The following PTPRD variants were observed in gnomAD, a reference collection of about 807,000 sequenced individuals.
PTPRD encodes the protein protein tyrosine phosphatase receptor type D.
A neutral mutation model predicts 214.5 loss-of-function variants in PTPRD; 34 were observed. The observed-to-expected ratio is 0.16, with a 90% CI of 0.12 to 0.21. PTPRD has a LOEUF of 0.21. PTPRD is among the 10% of genes least tolerant of loss of function. The pLI is 1.00. For missense variants in PTPRD, 2,545 were observed against 2,398.7 expected (o/e 1.06, Z -1.27); for synonymous variants, 1,128 against 845.7 (o/e 1.33, Z -5.79).
chr9:10,200,524 T>A (rs889633065), intron 3 of PTPRD, among the ~76,000 whole-genome samples: 12 of 152,184 alleles, frequency 7.9e-5, no homozygotes, highest in Admixed American at 3.3e-4. Context: ...ATGCTAGATG[T>A]TTACATCATT....
intron 5 of PTPRD, among the ~76,000 whole-genome samples, chr9:9,898,235 A>G (rs948743425): frequency 7.2e-5 from 11 of 152,144 alleles, no homozygotes; most frequent in African/African-American, 2.4e-4. Context: ...CAATGCGTCA[A>G]TTAAAATTTC....
chr9:9,610,026 TCTC>T (rs968772503), intron 7 of PTPRD, among the ~76,000 whole-genome samples: 5 of 152,154 alleles, frequency 3.3e-5, no homozygotes, highest in African/African-American at 1.2e-4. Flanking sequence ...TTTCCAGCCT[TCTC>T]CTCTCATTTA....
chr9:10,488,136 G>A (rs915282081), intron 2 of PTPRD, among the ~76,000 whole-genome samples: 1 of 151,918 alleles, frequency 6.6e-6, no homozygotes, highest in Non-Finnish European at 1.5e-5. Context: ...GGGAGCCCGA[G>A]CCGGGTGGAT....
At chr9:9,182,308 A>G (rs2099928653) in intron 10 of PTPRD, among the ~76,000 whole-genome samples, 2 of 152,090 alleles carry the variant, frequency 1.3e-5, no homozygotes, top group Admixed American at 1.3e-4. Context: ...CAACCCCAAA[A>G]TAAGATCAAC....
At chr9:10,266,213 C>A (rs1024991255) in intron 3 of PTPRD, among the ~76,000 whole-genome samples, 1 of 151,596 alleles carries the variant, frequency 6.6e-6, no homozygotes. Flanking sequence ...AAATGCATTA[C>A]AGTTGCTAAG....
chr9:8,839,879 GT>G (rs1204113728), intron 11 of PTPRD, among the ~76,000 whole-genome samples: 21 of 152,220 alleles, frequency 1.4e-4, no homozygotes, highest in African/African-American at 4.8e-4. Flanking sequence ...AGGCAAGGTT[GT>G]AAAAAATACA....
chr9:9,690,962 T>C (rs1362548111), intron 7 of PTPRD, among the ~76,000 whole-genome samples: 1 of 151,948 alleles, frequency 6.6e-6, no homozygotes, highest in Non-Finnish European at 1.5e-5. Flanking sequence ...TATGGTTTCA[T>C]ATACATTTTA....
chr9:9,398,583 C>T (rs1361255951), intron 8 of PTPRD, among the ~76,000 whole-genome samples: 3 of 151,862 alleles, frequency 2.0e-5, no homozygotes, highest in African/African-American at 7.3e-5. Context: ...ACCCTATGAA[C>T]AAAACTTCTT....
At chr9:8,775,360 A>C (rs1328242899) in intron 11 of PTPRD, among the ~76,000 whole-genome samples, 2 of 152,188 alleles carry the variant, frequency 1.3e-5, no homozygotes, top group Non-Finnish European at 2.9e-5. Context: ...GACTGGGGAC[A>C]CTGCTATAGT....
intron 5 of PTPRD, among the ~76,000 whole-genome samples, chr9:9,797,243 GTTTTTTTTTTT>G (rs56375104): frequency 8.7e-4 from 85 of 98,062 alleles, no homozygotes; most frequent in African/African-American, 2.9e-3. Context: ...ATTTCAGGCA[GTTTTTTTTTTT>G]TTTTTTTTTT....
intron 10 of PTPRD, among the ~76,000 whole-genome samples, chr9:9,101,794 A>C (rs1410209585): frequency 1.3e-5 from 2 of 152,184 alleles, no homozygotes; most frequent in Non-Finnish European, 2.9e-5. Flanking sequence ...ACTTTAAGAA[A>C]AGATGTGGGA....
intron 44 of PTPRD, among the ~76,000 whole-genome samples, chr9:8,322,944 T>A (rs562930120): frequency 1.3e-5 from 2 of 152,250 alleles, no homozygotes; most frequent in African/African-American, 2.4e-5. Flanking sequence ...TCTCAAGAAT[T>A]ACACTAAATA....
chr9:9,742,829 G>A (rs899849121), intron 6 of PTPRD, among the ~76,000 whole-genome samples: 7 of 151,992 alleles, frequency 4.6e-5, no homozygotes, highest in Admixed American at 4.6e-4. Flanking sequence ...ATATCTGTGG[G>A]ATTAAATTCA....
At chr9:10,231,983 AGAGAGAGTGTGTGT>A (rs1305763526) in intron 3 of PTPRD, among the ~76,000 whole-genome samples, 1 of 97,232 alleles carries the variant, frequency 1.0e-5, no homozygotes, top group African/African-American at 4.2e-5. Context: ...AGAGAGAGAG[AGAGAGAGTGTGTGT>A]GTGTGTGTGT....
intron 4 of PTPRD, among the ~76,000 whole-genome samples, chr9:9,979,093 G>T (rs927183770): frequency 6.6e-6 from 1 of 151,924 alleles, no homozygotes; most frequent in Non-Finnish European, 1.5e-5. Context: ...AACTAAAGCT[G>T]ATTTATTGCT....
Position 9,298,636 on chromosome 9 carries a change from A to G in PTPRD, c.-203+98813T>C, listed in dbSNP as rs896656295. 2.0e-5 allele frequency among the ~76,000 whole-genome samples: 3 copies of G among 151,854 alleles called. No individual in the cohort carries two copies. The South Asian group carries it at 6.2e-4, about 31-fold the overall frequency. The stretch of plus-strand genomic sequence containing the variant: ...AACCAAATCAGTAGAGGAGCAATAA[A>G]GAAGCTGAAGCAGGAGGGAAAAGAT... On this transcript the variant is annotated intron_variant, in intron 9 of 45. Transcript: ENST00000381196.
chr9:10,543,182 G>T (rs1349092123), intron 2 of PTPRD, among the ~76,000 whole-genome samples: 1 of 152,050 alleles, frequency 6.6e-6, no homozygotes, highest in African/African-American at 2.4e-5. Context: ...ACCACGCCCG[G>T]CCACTAGCTT....
chr9:9,133,679 C>A (rs1032218122), intron 10 of PTPRD, among the ~76,000 whole-genome samples: 1 of 152,082 alleles, frequency 6.6e-6, no homozygotes, highest in Admixed American at 6.6e-5. Context: ...AAGCATTGTT[C>A]GGTTACTGAA....
intron 7 of PTPRD, among the ~76,000 whole-genome samples, chr9:9,726,251 A>C (rs7048068): frequency 0.27 from 41,206 of 152,014 alleles, 6,417 homozygotes; most frequent in African/African-American, 0.42. Context: ...TATCCGCATA[A>C]CACTGACATT....
Sources: gnomAD v4.1 joint callset for allele counts (sites outside exome capture counted in the v4.1 genomes callset) on GRCh38, gnomAD v4.1.1 for gene constraint, MANE v1.5 for transcripts, NCBI Gene and HGNC (gene_info 2026-07-23, HGNC 2026-07-21) for gene names.